The following FRY variants were observed in gnomAD, a reference collection of about 807,000 sequenced individuals.
The protein encoded by FRY is protein furry homolog.
Under a neutral mutation model 348.4 loss-of-function variants are expected in FRY, and 128 were observed. The observed-to-expected ratio is 0.37, with a 90% CI of 0.32 to 0.43. FRY has a LOEUF of 0.43. Among genes scored for constraint, FRY ranks in the 20% least tolerant of loss-of-function variants. The pLI, the probability that FRY is intolerant of heterozygous loss-of-function variation, is 1.00. For synonymous variants in FRY, 1,370 were observed against 1,374.7 expected (o/e 1.00, Z 0.08); for missense variants, 2,736 against 3,695.2 (o/e 0.74, Z 6.73).
chr13:32,101,826 A>G (rs1235972510), intron 2 of FRY, 137 bp from the exon 3 acceptor site: 2 of 627,968 alleles, frequency 3.2e-6, no homozygotes, highest in Non-Finnish European at 5.8e-6. Context: ...AGAATACCTC[A>G]CTCATTTAAA....
intron 41 of FRY, among the ~76,000 whole-genome samples, chr13:32,233,706 T>TA (rs1344537459): frequency 3.3e-5 from 5 of 152,162 alleles, no homozygotes; most frequent in African/African-American, 4.8e-5. Context: ...GTATTCTATG[T>TA]AAAAAAAGTA....
intron 29 of FRY, among the ~76,000 whole-genome samples, chr13:32,200,242 A>G (rs1446741936): frequency 2.0e-5 from 3 of 152,238 alleles, no homozygotes; most frequent in East Asian, 1.9e-4. Flanking sequence ...TGGGGCAAAC[A>G]TTCAAACCAA....
rs1886395590 is a variant in FRY at position 32,239,612 on chromosome 13, A to T, written c.6517-99A>T. The T allele has an allele frequency of 1.2e-6, 1 of 858,376 alleles. No homozygotes were observed. Among genetic ancestry groups the T allele is most frequent in the East Asian group, 2.6e-5 (1 of 38,322 alleles). 53.2% of individuals were successfully genotyped at this position (858,376 alleles called of 1,614,324 possible). A position where few individuals can be genotyped will look rare whatever the true frequency, so the allele number is the denominator to read the frequency against. The stretch of plus-strand genomic sequence containing the variant: ...CCTGTAATTACCAAAAAGTGTATCA[A>T]TCTACTTTCCAGATGGCCAGAGCTT... On this transcript the variant is annotated intron_variant, in intron 45 of 60. Transcript: ENST00000542859. The surrounding 1 kb of genome is among the most constrained non-coding windows in gnomAD (Gnocchi z 4.3).
intron 1 of FRY, among the ~76,000 whole-genome samples, chr13:32,059,973 G>C (rs1024532707): frequency 6.6e-6 from 1 of 152,166 alleles, no homozygotes; most frequent in Non-Finnish European, 1.5e-5. Flanking sequence ...ATCACTTTAA[G>C]TGTTCATTTT....
intron 39 of FRY, among the ~76,000 whole-genome samples, chr13:32,226,337 A>T (rs1254363877): frequency 1.3e-5 from 2 of 152,200 alleles, no homozygotes; most frequent in African/African-American, 2.4e-5. Flanking sequence ...GCCTGAGAGC[A>T]GGTCACAGCC....
At chr13:32,105,231 G>C (rs1310667797) in intron 3 of FRY, among the ~76,000 whole-genome samples, 21 of 152,196 alleles carry the variant, frequency 1.4e-4, no homozygotes, top group Non-Finnish European at 2.9e-5. Context: ...ATGGGGTTAG[G>C]TGCTCTTATA....
intron 1 of FRY, among the ~76,000 whole-genome samples, chr13:32,043,864 G>C (rs920125858): frequency 6.6e-6 from 1 of 152,064 alleles, no homozygotes; most frequent in Non-Finnish European, 1.5e-5. Context: ...CAAATTATAA[G>C]AAATAATATT....
chr13:32,273,264 C>G (rs1048372202), intron 55 of FRY, among the ~76,000 whole-genome samples: 1 of 150,444 alleles, frequency 6.6e-6, no homozygotes, highest in African/African-American at 2.5e-5. Context: ...CGCTGTCGCC[C>G]AGGCTGGAGT....
intron 2 of FRY, among the ~76,000 whole-genome samples, chr13:32,093,193 C>G (rs1400259926): frequency 1.3e-5 from 2 of 152,160 alleles, no homozygotes; most frequent in Non-Finnish European, 2.9e-5. Context: ...AAAAATTCTT[C>G]TCTAAACAAA....
At chr13:32,258,646 T>C (rs1809906503) in intron 51 of FRY, among the ~76,000 whole-genome samples, 1 of 151,814 alleles carries the variant, frequency 6.6e-6, no homozygotes, top group Non-Finnish European at 1.5e-5. Flanking sequence ...ACAATTTGCA[T>C]CTAACTATAT....
intron 31 of FRY, among the ~76,000 whole-genome samples, chr13:32,202,961 A>T (rs1884124902): frequency 6.7e-6 from 1 of 149,882 alleles, no homozygotes; most frequent in Admixed American, 6.7e-5. Flanking sequence ...AAAAAAAAAA[A>T]TCTTAGAGTG....
At position 32,180,802 on chromosome 13, in the gene FRY, C is replaced by T. The variant is rs776272216; in HGVS notation, c.2996+1003C>T. Among the ~76,000 whole-genome samples, 5 of 152,128 alleles carry T rather than the reference C, an allele frequency of 3.3e-5. No individual in the cohort carries two copies. The South Asian group carries it at 8.3e-4, about 25-fold the overall frequency. On this transcript the variant is annotated intron_variant, in intron 23 of 60. Transcript: ENST00000542859. The stretch of plus-strand genomic sequence containing the variant: ...AAACCTCCAAGCATTTATGAGAAAC[C>T]CTACTTGAAAAATAAAGATTAATAA...
chr13:32,112,053 TA>T (rs1296771755), intron 3 of FRY, among the ~76,000 whole-genome samples: 2 of 152,198 alleles, frequency 1.3e-5, no homozygotes, highest in Non-Finnish European at 2.9e-5. Flanking sequence ...GAACACAAAC[TA>T]AGTTGCAAGG....
rs71866269 is a variant in FRY, at chr13:32,268,127, CAT to C, written c.8136+769_8136+770del. On this transcript the variant is annotated intron_variant, in intron 55 of 60. Coordinates refer to ENST00000542859, the MANE Select transcript of FRY (RefSeq NM_023037.3). ...TGCACACAGCTCTCTGTGGCAGTCTCATGTGTGGGCACGCTTAAATCTCGCTT... is the reference window on the plus strand; with the variant it reads ...TGCACACAGCTCTCTGTGGCAGTCTCGTGTGGGCACGCTTAAATCTCGCTT... Among the ~76,000 whole-genome samples, 1,299 of 152,360 alleles carry C rather than the reference CAT, an allele frequency of 8.5e-3. 17 individuals carry two copies. The highest frequency in any genetic ancestry group is 0.028 in the African/African-American group (1,162 of 41,586).
At position 32,228,619 on chromosome 13, in the gene FRY, G is replaced by A; in HGVS notation, c.5370G>A (p.Glu1790=). 2 of 1,614,130 alleles carry A rather than the reference G, an allele frequency of 1.2e-6. No homozygotes were observed. The highest frequency in any genetic ancestry group is 1.7e-6 in the Non-Finnish European group (2 of 1,179,976). ...TGGACACAGCTGCTGAAACAGATGAGAAGGCAAACAAGCTCATTGAGTTTC... is the reference window on the plus strand; with the variant it reads ...TGGACACAGCTGCTGAAACAGATGAAAAGGCAAACAAGCTCATTGAGTTTC... The part of the protein sequence containing the change: ...EDVDTAAETD[E]KANKLIEFLT... Residue 1790 remains glutamate, a synonymous_variant, in exon 40 of 61, where the codon GAG becomes GAA. Coordinates refer to ENST00000542859, the MANE Select transcript of FRY (RefSeq NM_023037.3).
intron 46 of FRY, among the ~76,000 whole-genome samples, chr13:32,240,579 G>T (rs1269340058): frequency 1.3e-5 from 2 of 152,152 alleles, no homozygotes; most frequent in African/African-American, 4.8e-5. Context: ...CTCTGTGTAC[G>T]TTGGTGCTAG....
intron 28 of FRY, among the ~76,000 whole-genome samples, chr13:32,188,088 CCTTT>C (rs1314882630): frequency 5.9e-5 from 9 of 151,978 alleles, no homozygotes; most frequent in Non-Finnish European, 8.8e-5. Flanking sequence ...GTAAGTAAAG[CCTTT>C]CTTAGAATGA....
At chr13:32,271,670 A>C (rs553330251) in intron 55 of FRY, among the ~76,000 whole-genome samples, 1 of 152,350 alleles carries the variant, frequency 6.6e-6, no homozygotes, top group East Asian at 1.9e-4. Flanking sequence ...TGGCTATAGG[A>C]GTGAAAGGCC....
intron 35 of FRY, among the ~76,000 whole-genome samples, chr13:32,214,402 C>G (rs1367094998): frequency 6.6e-6 from 1 of 152,236 alleles, no homozygotes; most frequent in East Asian, 1.9e-4. Context: ...TGGCCCAACA[C>G]AAATTCATAA....
Sources: gnomAD v4.1 joint callset for allele counts (sites outside exome capture counted in the v4.1 genomes callset) on GRCh38, gnomAD v4.1.1 for gene constraint, Gnocchi (gnomAD v3.1) non-coding constraint, MANE v1.5 for transcripts, NCBI Gene and HGNC (gene_info 2026-07-23, HGNC 2026-07-21) for gene names.